Variants in SORBS2 observed in about 807,000 individuals in gnomAD.
SORBS2 encodes the protein sorbin and SH3 domain containing 2, also known as sorbin and SH3 domain-containing protein 2.
In SORBS2, 46 loss-of-function variants were observed where a neutral mutation model predicts 97.7. The ratio of observed to expected loss-of-function variants is 0.47; its 90% CI spans 0.37 to 0.60. The LOEUF is 0.60. Ranked by LOEUF, SORBS2 falls within the 20% of genes least tolerant of loss-of-function variation. The pLI is 0.00. For missense variants in SORBS2, 1,316 were observed against 1,282.3 expected (o/e 1.03, Z -0.40); for synonymous variants, 476 against 473.4 (o/e 1.01, Z -0.07).
intron 2 of SORBS2, among the ~76,000 whole-genome samples, chr4:185,710,170 C>T (rs28617776): frequency 0.27 from 32,580 of 121,182 alleles, 4,003 homozygotes; most frequent in Non-Finnish European, 0.35. Flanking sequence ...GTTAATCCAA[C>T]ACCTATAACT....
chr4:185,718,166 C>A (rs1024860950), intron 2 of SORBS2, among the ~76,000 whole-genome samples: 2 of 151,584 alleles, frequency 1.3e-5, no homozygotes, highest in Non-Finnish European at 2.9e-5. Context: ...GGGAGACAGG[C>A]GCTGTAGGAA....
chr4:185,800,886 T>C (rs913277408), intron 1 of SORBS2, among the ~76,000 whole-genome samples: 1 of 152,186 alleles, frequency 6.6e-6, no homozygotes, highest in African/African-American at 2.4e-5. Context: ...TGATCACTTC[T>C]TATCTTTTTT....
chr4:185,946,927 T>C (rs2099274794), intron 1 of SORBS2, among the ~76,000 whole-genome samples: 1 of 152,186 alleles, frequency 6.6e-6, no homozygotes, highest in South Asian at 2.1e-4. Context: ...TGTGCCAGGG[T>C]CATACAACCA....
exon 7 of SORBS2, chr4:185,624,296 G>C (rs755706619): frequency 1.2e-6 from 2 of 1,614,160 alleles, no homozygotes; most frequent in Non-Finnish European, 1.7e-6. Context: ...GGGAGAGACG[G>C]TTTCTTCCGT....
chr4:185,915,099 C>T (rs2099257367), intron 1 of SORBS2, among the ~76,000 whole-genome samples: 1 of 152,184 alleles, frequency 6.6e-6, no homozygotes, highest in Non-Finnish European at 1.5e-5. Context: ...GATCTGTGGA[C>T]CAAGGTCACT....
intron 12 of SORBS2, 41 bp downstream of exon 24, chr4:185,611,739 A>G: frequency 2.7e-6 from 4 of 1,497,406 alleles, no homozygotes; most frequent in Non-Finnish European, 3.7e-6. Flanking sequence ...TCTTACTTGG[A>G]GCTTCCAATA....
intron 1 of SORBS2, among the ~76,000 whole-genome samples, chr4:185,815,307 T>C (rs557814792): frequency 3.3e-4 from 51 of 152,300 alleles, no homozygotes; most frequent in Non-Finnish European, 6.2e-4. Context: ...GTTGTCTTAG[T>C]GTGGAATTTT....
intron 4 of SORBS2, among the ~76,000 whole-genome samples, chr4:185,663,848 C>CTTTTTTTTT (rs56177449): frequency 3.7e-5 from 3 of 80,978 alleles, no homozygotes; most frequent in Non-Finnish European, 4.7e-5. Context: ...TAGATTTATT[C>CTTTTTTTTT]TTTTTTTTTT....
chr4:185,876,416 A>C (rs1333608778), intron 1 of SORBS2, among the ~76,000 whole-genome samples: 1 of 152,100 alleles, frequency 6.6e-6, no homozygotes. Flanking sequence ...CCTAGTTTTA[A>C]ATATTTTGAA....
intron 8 of SORBS2, among the ~76,000 whole-genome samples, chr4:185,619,021 A>C (rs774574031): frequency 4.6e-5 from 7 of 152,216 alleles, no homozygotes; most frequent in Non-Finnish European, 1.0e-4. Context: ...AATCATAATA[A>C]AAGGACCAGA....
chr4:185,792,591 T>C (rs375626289), intron 1 of SORBS2, among the ~76,000 whole-genome samples: 13 of 152,024 alleles, frequency 8.6e-5, no homozygotes, highest in African/African-American at 2.9e-4. Context: ...AAAGAAAATA[T>C]GAACAAGCAA....
intron 2 of SORBS2, among the ~76,000 whole-genome samples, chr4:185,758,584 T>C (rs2098844986): frequency 6.6e-6 from 1 of 152,184 alleles, no homozygotes; most frequent in Non-Finnish European, 1.5e-5. Context: ...GTCTCCTCCA[T>C]TTCCACCCAT....
intron 12 of SORBS2, among the ~76,000 whole-genome samples, chr4:185,610,342 A>G (rs1383903612): frequency 6.6e-6 from 1 of 152,178 alleles, no homozygotes. Context: ...CTCTTTATCA[A>G]TAGAAAATAC....
At chr4:185,654,804 T>C (rs377212870) in intron 1 of SORBS2, among the ~76,000 whole-genome samples, 14 of 68,314 alleles carry the variant, frequency 2.0e-4, no homozygotes, top group Middle Eastern at 0.013. Context: ...CAATTCACTA[T>C]GCCGTTTTTT....
chr4:185,867,300 G>A (rs1280079120), intron 1 of SORBS2, among the ~76,000 whole-genome samples: 2 of 152,260 alleles, frequency 1.3e-5, no homozygotes, highest in African/African-American at 2.4e-5. Context: ...ATGAGCCACC[G>A]CGCCTGGCCA....
chr4:185,744,429 G>C (rs1483183683), intron 2 of SORBS2, among the ~76,000 whole-genome samples: 1 of 152,196 alleles, frequency 6.6e-6, no homozygotes, highest in East Asian at 1.9e-4. Context: ...TGTTGGGCTA[G>C]AAATAGTCCA....
At chr4:185,618,531 T>C in intron 9 of SORBS2, 54 bp downstream of exon 21, 8 of 1,003,268 alleles carry the variant, frequency 8.0e-6, no homozygotes, top group East Asian at 2.5e-5. Context: ...TCTTAAAGCA[T>C]TACTAACATT....
At chr4:185,885,852 C>T (rs1054978348) in intron 1 of SORBS2, among the ~76,000 whole-genome samples, 7 of 152,172 alleles carry the variant, frequency 4.6e-5, no homozygotes, top group Admixed American at 1.3e-4. Flanking sequence ...AATACGAATT[C>T]GGTCTTATTC....
At chr4:185,621,877 T>C (rs1245659551) in intron 7 of SORBS2, among the ~76,000 whole-genome samples, 1 of 152,222 alleles carries the variant, frequency 6.6e-6, no homozygotes, top group Non-Finnish European at 1.5e-5. Context: ...ACTTCCAAAA[T>C]TGAAAATGGC....
Sources: gnomAD v4.1 joint callset for allele counts (sites outside exome capture counted in the v4.1 genomes callset) on GRCh38, gnomAD v4.1.1 for gene constraint, MANE v1.5 for transcripts, NCBI Gene and HGNC (gene_info 2026-07-23, HGNC 2026-07-21) for gene names.